Variants in DLG2 observed in about 807,000 individuals in gnomAD.
DLG2 encodes discs large MAGUK scaffold protein 2, also known as disks large homolog 2.
A neutral mutation model predicts 132.5 loss-of-function variants in DLG2; 45 were observed. The ratio of observed to expected loss-of-function variants is 0.34; its 90% CI spans 0.27 to 0.44. DLG2 has a LOEUF of 0.44. Ranked by LOEUF, DLG2 falls within the 20% of genes least tolerant of loss-of-function variation. DLG2 has a pLI of 1.00. For synonymous variants in DLG2, 424 were observed against 419.6 expected (o/e 1.01, Z -0.13); for missense variants, 1,045 against 1,196.9 (o/e 0.87, Z 1.87).
chr11:85,176,708 A>G (rs1175174529), intron 4 of DLG2, among the ~76,000 whole-genome samples: 1 of 152,182 alleles, frequency 6.6e-6, no homozygotes, highest in Non-Finnish European at 1.5e-5. Context: ...TTTGCAAACT[A>G]TCCATCTGAC....
intron 6 of DLG2, among the ~76,000 whole-genome samples, chr11:84,714,917 T>C (rs2061038097): frequency 6.6e-6 from 1 of 152,186 alleles, no homozygotes; most frequent in African/African-American, 2.4e-5. Context: ...TCCCTCCCTT[T>C]TTTATTTTTC....
At chr11:85,390,143 G>T (rs889623058) in intron 3 of DLG2, among the ~76,000 whole-genome samples, 5 of 151,790 alleles carry the variant, frequency 3.3e-5, no homozygotes, top group African/African-American at 1.2e-4. Flanking sequence ...ATAAACTTAA[G>T]GTAAAGGGAT....
At position 84,652,453 on chromosome 11, in the gene DLG2, C is replaced by T. The variant is rs150650482; in HGVS notation, c.358-117722G>A. Among the ~76,000 whole-genome samples the T allele has an allele frequency of 2.4e-4, 37 of 152,190 alleles. No individual in the cohort carries two copies. The East Asian group carries it at 7.0e-3, about 29-fold the overall frequency. On this transcript the variant is annotated intron_variant, in intron 6 of 27. Coordinates refer to ENST00000376104, the MANE Select transcript of DLG2 (RefSeq NM_001142699.3). The stretch of plus-strand genomic sequence containing the variant: ...GTTGGATCATTGTGGCATTCACTGT[C>T]ACAGACCAAACAGGAGCAGGATCAT...
At chr11:84,954,085 G>A in intron 6 of DLG2, among the ~76,000 whole-genome samples, 1 of 151,950 alleles carries the variant, frequency 6.6e-6, no homozygotes, top group East Asian at 1.9e-4. Flanking sequence ...TTAGGATTGG[G>A]ATTTATGTCA....
intron 21 of DLG2, among the ~76,000 whole-genome samples, chr11:83,525,931 C>A (rs192631511): frequency 2.1e-4 from 32 of 152,192 alleles, no homozygotes; most frequent in African/African-American, 7.5e-4. Flanking sequence ...ATAAGTGACA[C>A]AATAGTAGGC....
At chr11:84,361,425 T>A (rs919405321) in intron 7 of DLG2, among the ~76,000 whole-genome samples, 8 of 151,956 alleles carry the variant, frequency 5.3e-5, no homozygotes, top group African/African-American at 1.7e-4. Flanking sequence ...GGCAGTGACA[T>A]CTTTAAAGTC....
chr11:84,118,417 CT>C (rs1280440116), intron 9 of DLG2, among the ~76,000 whole-genome samples: 1 of 152,186 alleles, frequency 6.6e-6, no homozygotes, highest in Admixed American at 6.5e-5. Context: ...AGAAAATAAA[CT>C]TTGAAATCTA....
chr11:85,420,265 T>C (rs1001608188), intron 3 of DLG2, among the ~76,000 whole-genome samples: 1 of 152,218 alleles, frequency 6.6e-6, no homozygotes, highest in African/African-American at 2.4e-5. Context: ...CAGTGAAGTA[T>C]GCAGAACAGC....
intron 3 of DLG2, among the ~76,000 whole-genome samples, chr11:85,575,100 G>A (rs1012077606): frequency 2.0e-5 from 3 of 150,416 alleles, no homozygotes; most frequent in Non-Finnish European, 4.4e-5. Context: ...TTAAACATAA[G>A]TCAGACCCTA....
intron 18 of DLG2, among the ~76,000 whole-genome samples, chr11:83,707,042 G>C (rs1422786735): frequency 6.6e-6 from 1 of 152,102 alleles, no homozygotes; most frequent in Admixed American, 6.6e-5. Context: ...CATGAAGTAG[G>C]TCATACTTTT....
At chr11:84,056,472 C>T (rs2096501719) in intron 11 of DLG2, among the ~76,000 whole-genome samples, 1 of 152,116 alleles carries the variant, frequency 6.6e-6, no homozygotes, top group African/African-American at 2.4e-5. Context: ...TTTTCTGTTG[C>T]ATTAAAGGTA....
intron 4 of DLG2, among the ~76,000 whole-genome samples, chr11:85,225,771 G>A (rs1168299764): frequency 6.6e-6 from 1 of 152,028 alleles, no homozygotes; most frequent in Non-Finnish European, 1.5e-5. Context: ...CATCCCTATA[G>A]CTTCTTCAGC....
intron 15 of DLG2, among the ~76,000 whole-genome samples, chr11:83,888,552 T>A (rs1163747055): frequency 6.6e-6 from 1 of 152,124 alleles, no homozygotes; most frequent in Non-Finnish European, 1.5e-5. Flanking sequence ...TTCAATGCCA[T>A]CCCCATCAAG....
intron 6 of DLG2, among the ~76,000 whole-genome samples, chr11:84,836,178 C>A (rs183445297): frequency 3.0e-4 from 45 of 151,734 alleles, no homozygotes; most frequent in Middle Eastern, 3.4e-3. Context: ...ATTAATTGTA[C>A]AATAGGGTCT....
intron 6 of DLG2, among the ~76,000 whole-genome samples, chr11:84,650,863 G>GTATATATATATATATATATA (rs1417830252): frequency 8.7e-5 from 8 of 92,224 alleles, no homozygotes; most frequent in South Asian, 4.8e-4. Flanking sequence ...GTGTGTGTGT[G>GTATATATATATATATATATA]TGTGTGTGTG....
chr11:84,540,496 C>G (rs1256993969), intron 6 of DLG2, among the ~76,000 whole-genome samples: 1 of 152,144 alleles, frequency 6.6e-6, no homozygotes, highest in Non-Finnish European at 1.5e-5. Flanking sequence ...CAATGAGATA[C>G]CATCTCACTC....
At chr11:84,354,478 A>G (rs1600474733) in intron 7 of DLG2, among the ~76,000 whole-genome samples, 1 of 152,220 alleles carries the variant, frequency 6.6e-6, no homozygotes, top group Non-Finnish European at 1.5e-5. Flanking sequence ...TTCTCAAAAC[A>G]TTTTCCTCCT....
chr11:85,007,457 G>A (rs1256533223), intron 6 of DLG2, among the ~76,000 whole-genome samples: 1 of 151,612 alleles, frequency 6.6e-6, no homozygotes, highest in African/African-American at 2.4e-5. Context: ...TCAGGAGATC[G>A]AGACCATCCT....
At chr11:84,687,313 T>C (rs775819769) in intron 6 of DLG2, 1 of 152,130 alleles carries the variant, frequency 6.6e-6, no homozygotes, top group Non-Finnish European at 1.5e-5. Flanking sequence ...TTTTACAGGG[T>C]TGTTGTGGAG....
Sources: gnomAD v4.1 joint callset for allele counts (sites outside exome capture counted in the v4.1 genomes callset) on GRCh38, gnomAD v4.1.1 for gene constraint, MANE v1.5 for transcripts, NCBI Gene and HGNC (gene_info 2026-07-23, HGNC 2026-07-21) for gene names.